TMEM131: variants seen among roughly 807,000 people sequenced by gnomAD.
TMEM131 encodes the protein transmembrane protein 131, also known as 2610524E03Rik.
In TMEM131, 66 loss-of-function variants were observed where a neutral mutation model predicts 211.6. That is an observed-to-expected ratio of 0.31 (90% CI 0.26 to 0.38). The LOEUF (loss-of-function observed/expected upper bound fraction) is 0.38. Ranked by LOEUF, TMEM131 falls within the 10% of genes least tolerant of loss-of-function variation. TMEM131 has a pLI of 1.00. For missense variants in TMEM131, 2,036 were observed against 2,299.3 expected, an observed-to-expected ratio of 0.89 and a Z score of 2.34; for synonymous variants, 844 against 841.3, an observed-to-expected ratio of 1.00 and a Z score of -0.06.
chr2:97,837,782 G>T (rs1346561934), intron 7 of TMEM131, among the ~76,000 whole-genome samples: 3 of 152,040 alleles, frequency 2.0e-5, no homozygotes, highest in Non-Finnish European at 4.4e-5. Flanking sequence ...GATGAATCCT[G>T]ACCTATGTGT....
chr2:97,982,950 G>C (rs1679861259), intron 1 of TMEM131, among the ~76,000 whole-genome samples: 1 of 152,114 alleles, frequency 6.6e-6, no homozygotes, highest in Non-Finnish European at 1.5e-5. Context: ...CCACACAAAT[G>C]TTTCTTGTAA....
At chr2:97,818,494 A>G in intron 12 of TMEM131, 119 bp downstream of exon 12, 1 of 502,892 alleles carries the variant, frequency 2.0e-6, no homozygotes, top group South Asian at 2.2e-5. Flanking sequence ...CAACCTAAGC[A>G]GTAATATAAA....
intron 1 of TMEM131, among the ~76,000 whole-genome samples, chr2:97,951,778 G>A (rs1368772936): frequency 6.6e-6 from 1 of 152,022 alleles, no homozygotes; most frequent in Admixed American, 6.6e-5. Flanking sequence ...AAGTCCTAAC[G>A]TCCCCTAGCC....
At chr2:97,937,908 T>A (rs1052049754) in intron 1 of TMEM131, among the ~76,000 whole-genome samples, 8 of 152,172 alleles carry the variant, frequency 5.3e-5, no homozygotes, top group African/African-American at 1.9e-4. Context: ...CAACCCAGAA[T>A]TTCATATCCA....
chr2:97,829,249 A>G, intron 11 of TMEM131, among the ~76,000 whole-genome samples: 1 of 152,214 alleles, frequency 6.6e-6, no homozygotes, highest in Non-Finnish European at 1.5e-5. Context: ...AGAGGACTGT[A>G]AACACACCAA....
At chr2:97,763,298 G>C (rs1286163365) in intron 35 of TMEM131, 1 of 152,496 alleles carries the variant, frequency 6.6e-6, no homozygotes, top group Non-Finnish European at 1.5e-5. Context: ...TGGCCCTGCC[G>C]AGCAAAGCAG....
chr2:97,951,703 A>T (rs944871811), intron 1 of TMEM131, among the ~76,000 whole-genome samples: 1 of 152,088 alleles, frequency 6.6e-6, no homozygotes, highest in Non-Finnish European at 1.5e-5. Flanking sequence ...AAAAACACAA[A>T]CACGCATACA....
chr2:97,833,535 A>G, intron 10 of TMEM131, 109 bp from the exon 11 acceptor site: 1 of 607,624 alleles, frequency 1.6e-6, no homozygotes. Flanking sequence ...GTGAAATACA[A>G]TGACAATAAG....
At chr2:97,974,335 T>C (rs541240911) in intron 1 of TMEM131, among the ~76,000 whole-genome samples, 1 of 152,110 alleles carries the variant, frequency 6.6e-6, no homozygotes, top group East Asian at 1.9e-4. Flanking sequence ...CAGTGCAATG[T>C]GCTGTGGGAT....
At chr2:97,805,786 A>C (rs1231096242) in intron 19 of TMEM131, 83 bp from the exon 20 acceptor site, 1 of 1,262,680 alleles carries the variant, frequency 7.9e-7, no homozygotes, top group Non-Finnish European at 1.1e-6. Context: ...AGACAAGCAT[A>C]CTTCTAGGAA....
intron 31 of TMEM131, among the ~76,000 whole-genome samples, chr2:97,785,827 A>G (rs184069838): frequency 6.6e-6 from 1 of 152,386 alleles, no homozygotes; most frequent in East Asian, 1.9e-4. Flanking sequence ...TTGGACTACT[A>G]TTCAGCAATA....
At chr2:97,990,667 G>A (rs1328366324) in intron 1 of TMEM131, among the ~76,000 whole-genome samples, 2 of 152,162 alleles carry the variant, frequency 1.3e-5, no homozygotes, top group Non-Finnish European at 2.9e-5. Flanking sequence ...AAAGCAACAT[G>A]TGGGGAAGAA....
At chr2:97,989,455 GT>G (rs1402093468) in intron 1 of TMEM131, among the ~76,000 whole-genome samples, 2 of 152,134 alleles carry the variant, frequency 1.3e-5, no homozygotes, top group Non-Finnish European at 2.9e-5. Flanking sequence ...GAGCCTGGGG[GT>G]GGGGATTAAG....
chr2:97,758,913 A>G lies in TMEM131; in HGVS notation c.5347T>C (p.Ser1783Pro). Reference sequence around the variant, plus strand: ...CTCACTGTGGCTGTGTGGGTCGGGGAGCCGGAACTGGCTGGCCAGGAAGGA... The same window carrying G: ...CTCACTGTGGCTGTGTGGGTCGGGGGGCCGGAACTGGCTGGCCAGGAAGGA... ...PSPSWPASSG[S>P]PTHTATSVLG... Residue 1783 changes from serine (S) to proline (P), a missense_variant, in exon 40 of 41, where the codon TCC becomes CCC. Coordinates refer to ENST00000186436, the MANE Select transcript of TMEM131 (RefSeq NM_015348.2). 11 of 1,612,854 alleles carry G rather than the reference A, an allele frequency of 6.8e-6. No homozygotes were observed. Among genetic ancestry groups the G allele is most frequent in the Non-Finnish European group, 9.3e-6 (11 of 1,179,376 alleles).
intron 28 of TMEM131, 104 bp downstream of exon 28, chr2:97,796,114 G>T: frequency 1.7e-6 from 1 of 600,446 alleles, no homozygotes. Flanking sequence ...AAAAACAAAT[G>T]AATGCATTTG....
intron 4 of TMEM131, among the ~76,000 whole-genome samples, chr2:97,879,198 T>G (rs55886305): frequency 0.33 from 50,801 of 152,006 alleles, 9,329 homozygotes; most frequent in Non-Finnish European, 0.39. Context: ...TGAAGAGCAG[T>G]CAGCGAATTT....
intron 31 of TMEM131, among the ~76,000 whole-genome samples, chr2:97,791,123 C>T (rs1680481850): frequency 6.6e-6 from 1 of 152,194 alleles, no homozygotes; most frequent in African/African-American, 2.4e-5. Context: ...TGCAAAAAAG[C>T]TCAGGCTGTG....
chr2:97,828,371 T>A (rs1011979118), intron 11 of TMEM131, among the ~76,000 whole-genome samples: 1 of 152,148 alleles, frequency 6.6e-6, no homozygotes, highest in Non-Finnish European at 1.5e-5. Flanking sequence ...TAACATATAT[T>A]ATCCTAACTT....
At chr2:97,865,623 G>A (rs1674240180) in intron 4 of TMEM131, among the ~76,000 whole-genome samples, 1 of 152,154 alleles carries the variant, frequency 6.6e-6, no homozygotes, top group Non-Finnish European at 1.5e-5. Flanking sequence ...GTGTACACTA[G>A]ATTCTTTTTA....
Sources: allele counts gnomAD v4.1 joint callset (sites outside exome capture counted in the v4.1 genomes callset), GRCh38; gene constraint gnomAD v4.1.1; transcripts MANE v1.5; gene names NCBI Gene and HGNC (gene_info 2026-07-23, HGNC 2026-07-21).